Variants in PCDHA5 observed in about 807,000 individuals in gnomAD.
PCDHA5 encodes protocadherin alpha-5.
PCDHA5 carries 43 observed loss-of-function variants against 61.6 expected under a neutral mutation model. The ratio of observed to expected loss-of-function variants is 0.70; its 90% CI spans 0.55 to 0.90. The LOEUF is 0.90. Among genes scored for constraint, PCDHA5 ranks in the 40% least tolerant of loss-of-function variants. The probability of loss-of-function intolerance (pLI) is 0.00; values close to 1 mark genes in which losing one functional copy is unlikely to be tolerated. For synonymous variants in PCDHA5, 627 were observed against 543.9 expected (o/e 1.15, Z -2.13); for missense variants, 1,298 against 1,222.7 (o/e 1.06, Z -0.92).
At position 140,856,679 on chromosome 5, in the gene PCDHA5, T is replaced by C. The variant is rs781823964; in HGVS notation, c.2352+32552T>C. 1.0e-4 allele frequency: 165 copies of C among 1,597,704 alleles called. 10 individuals are homozygous for C. Among genetic ancestry groups the C allele is most frequent in the Non-Finnish European group, 1.4e-4 (162 of 1,167,324 alleles). On this transcript the variant is annotated intron_variant, in intron 1 of 3. Transcript: ENST00000529859. ...AGAAAATCCTCAGCTAAAGTTGTTG[T>C]TGACAGCAACTGATGGAGGCAAACC...
intron 1 of PCDHA5, chr5:140,927,044 C>T (rs1337649079): frequency 6.2e-7 from 1 of 1,612,210 alleles, no homozygotes; most frequent in Non-Finnish European, 8.5e-7. Flanking sequence ...GCCGCTATGT[C>T]CTCGCGGAAC....
chr5:140,827,448 A>G (rs1554130791), intron 1 of PCDHA5, among the ~76,000 whole-genome samples: 1 of 152,248 alleles, frequency 6.6e-6, no homozygotes, highest in African/African-American at 2.4e-5. Flanking sequence ...ACACAGAAGA[A>G]CCTTAAGAGC....
intron 1 of PCDHA5, among the ~76,000 whole-genome samples, chr5:140,937,785 G>A (rs962276976): frequency 7.3e-5 from 11 of 150,436 alleles, no homozygotes; most frequent in Non-Finnish European, 1.3e-4. Flanking sequence ...GGTGGCGGGC[G>A]TATGTAGTCC....
chr5:140,884,441 GCACCGCCCACCGAGGGC>G (rs782266354), intron 1 of PCDHA5: 1 of 1,613,812 alleles, frequency 6.2e-7, no homozygotes, highest in Non-Finnish European at 8.5e-7. Flanking sequence ...GCGGTGCTCG[GCACCGCCCACCGAGGGC>G]GCGTGCGCGC....
chr5:140,960,665 G>A (rs1180311598), intron 1 of PCDHA5, among the ~76,000 whole-genome samples: 2 of 152,066 alleles, frequency 1.3e-5, no homozygotes, highest in Non-Finnish European at 2.9e-5. Context: ...TGAATGCTTT[G>A]GCTAAAACCT....
In PCDHA5 at chr5:140,841,042, G is replaced by A. The variant is rs1776988027; in HGVS notation, c.2352+16915G>A. 7.4e-6 allele frequency: 3 copies of A among 406,126 alleles called. No individual in the cohort carries two copies. The South Asian group carries it at 1.3e-4, about 18-fold the overall frequency. 25.2% of individuals were successfully genotyped at this position (406,126 alleles called of 1,614,324 possible). On this transcript the variant is annotated intron_variant, in intron 1 of 3. Transcript: ENST00000529859. ...ATGCCTCTGCAATTGATAAAGTTAA[G>A]GATTTACTATTAAATTATGATAAAG...
intron 1 of PCDHA5, among the ~76,000 whole-genome samples, chr5:140,895,850 AC>A (rs2065202764): frequency 6.6e-6 from 1 of 152,110 alleles, no homozygotes; most frequent in Non-Finnish European, 1.5e-5. Context: ...TCACTCTTGT[AC>A]CCCAGGCTGG....
chr5:140,871,452 G>A (rs1207559291), intron 1 of PCDHA5: 2 of 1,608,490 alleles, frequency 1.2e-6, no homozygotes, highest in East Asian at 2.2e-5. Context: ...ATAAAGAGGA[G>A]GAAGGGGAAA....
In PCDHA5 at chr5:140,848,677, C is replaced by A. The variant is rs142354028; in HGVS notation, c.2352+24550C>A. 4.6e-4 allele frequency: 738 copies of A among 1,592,248 alleles called. 63 individuals carry two copies. The East Asian group carries it at 6.0e-3, about 13-fold the overall frequency. ...GGGCTGGAGCTGGCGGAGCTGGTGC[C>A]GCGCCTGTTCCAGTTGGATTCCAAA... On this transcript the variant is annotated intron_variant, in intron 1 of 3. Transcript: ENST00000529859.
intron 1 of PCDHA5, chr5:140,884,501 G>A: frequency 1.9e-6 from 3 of 1,614,146 alleles, no homozygotes; most frequent in Middle Eastern, 1.6e-4. Context: ...CTCCAGCGCG[G>A]CAGGGAGTTG....
chr5:140,917,249 G>A (rs1439724525), intron 1 of PCDHA5, among the ~76,000 whole-genome samples: 1 of 149,466 alleles, frequency 6.7e-6, no homozygotes, highest in African/African-American at 2.5e-5. Flanking sequence ...TACTACGATT[G>A]CTCACCTGAT....
At chr5:140,848,856 G>C in intron 1 of PCDHA5, 1 of 1,590,682 alleles carries the variant, frequency 6.3e-7, no homozygotes, top group Non-Finnish European at 8.6e-7. Context: ...CCATGTGGAC[G>C]TGGAGGTGAA....
chr5:140,836,306 C>T (rs2150257273), intron 1 of PCDHA5: 4 of 1,613,706 alleles, frequency 2.5e-6, no homozygotes, highest in Non-Finnish European at 3.4e-6. Flanking sequence ...ATGAGACGGA[C>T]GCACCGCGCC....
At chr5:140,975,068 C>T (rs1273763502) in intron 1 of PCDHA5, among the ~76,000 whole-genome samples, 4 of 152,134 alleles carry the variant, frequency 2.6e-5, no homozygotes, top group African/African-American at 9.7e-5. Flanking sequence ...CGAGCTCATT[C>T]AGATTGTTGG....
At chr5:140,915,699 C>G (rs1321126272) in intron 1 of PCDHA5, among the ~76,000 whole-genome samples, 1 of 151,944 alleles carries the variant, frequency 6.6e-6, no homozygotes, top group Non-Finnish European at 1.5e-5. Context: ...GTGATGCAAG[C>G]ACTCCTGTGG....
intron 3 of PCDHA5, among the ~76,000 whole-genome samples, chr5:140,988,599 G>A (rs782117836): frequency 6.6e-6 from 1 of 152,154 alleles, no homozygotes; most frequent in Non-Finnish European, 1.5e-5. Flanking sequence ...TAATGGTCAT[G>A]TAAATAAAAG....
intron 1 of PCDHA5, chr5:140,883,895 C>T: frequency 6.2e-7 from 1 of 1,613,426 alleles, no homozygotes; most frequent in Non-Finnish European, 8.5e-7. Flanking sequence ...CTCTGGCGTG[C>T]CGCCTCTGGG....
chr5:140,974,544 T>C (rs1393611069), intron 1 of PCDHA5, among the ~76,000 whole-genome samples: 1 of 152,232 alleles, frequency 6.6e-6, no homozygotes, highest in Non-Finnish European at 1.5e-5. Context: ...GGAGTTTTGC[T>C]CTTGTTGCCC....
chr5:140,992,070 GA>G (rs1554252639), intron 3 of PCDHA5, among the ~76,000 whole-genome samples: 1 of 151,052 alleles, frequency 6.6e-6, no homozygotes, highest in Non-Finnish European at 1.5e-5. Context: ...AATTTCAGTA[GA>G]GAATGAGCTA....
Sources: allele counts gnomAD v4.1 joint callset (sites outside exome capture counted in the v4.1 genomes callset), GRCh38; gene constraint gnomAD v4.1.1; transcripts MANE v1.5; gene names NCBI Gene and HGNC (gene_info 2026-07-23, HGNC 2026-07-21).